The following KCNJ16 variants were observed in gnomAD, a reference collection of about 807,000 sequenced individuals.
The protein encoded by KCNJ16 is potassium inwardly rectifying channel subfamily J member 16.
In KCNJ16, 15 loss-of-function variants were observed where a neutral mutation model predicts 18.5. The ratio of observed to expected loss-of-function variants is 0.81; its 90% CI spans 0.54 to 1.25. KCNJ16 has a LOEUF of 1.25. Ranked by LOEUF, KCNJ16 falls within the 50% of genes most tolerant of loss-of-function variation. The pLI, the probability that KCNJ16 is intolerant of heterozygous loss-of-function variation, is 0.00. For synonymous variants in KCNJ16, 174 were observed against 186.5 expected (o/e 0.93, Z 0.55); for missense variants, 523 against 525.7 (o/e 0.99, Z 0.05).
chr17:70,120,957 C>T (rs770290015), intron 2 of KCNJ16, among the ~76,000 whole-genome samples: 2 of 152,114 alleles, frequency 1.3e-5, no homozygotes, highest in Non-Finnish European at 2.9e-5. Flanking sequence ...ATTACCCCCT[C>T]TTTATAAGGG....
At chr17:70,093,152 T>C (rs187614503) in intron 1 of KCNJ16, among the ~76,000 whole-genome samples, 253 of 152,326 alleles carry the variant, frequency 1.7e-3, no homozygotes, top group Non-Finnish European at 2.6e-3. Flanking sequence ...AAATAACCTT[T>C]TGGACGCAAG....
chr17:70,083,107 T>A (rs965768885), intron 1 of KCNJ16, among the ~76,000 whole-genome samples: 4 of 151,398 alleles, frequency 2.6e-5, no homozygotes, highest in African/African-American at 9.7e-5. Context: ...CAGGCTAGAG[T>A]GCAGTGGCAC....
rs2074116498 is a variant in KCNJ16, at chr17:70,133,001, T to C, written c.914T>C (p.Leu305Pro). ...SRSSYVPREILWGHRFNDVLE... is the reference protein window; with the variant it reads ...SRSSYVPREIPWGHRFNDVLE... ...AGCTCCTATGTTCCCCGAGAAATTC[T>C]CTGGGGCCATAGGTTTAATGATGTC... The change falls in exon 4 of 4, where the codon CTC becomes CCC. Residue 305 changes from leucine to proline, a missense_variant. Coordinates refer to ENST00000392671, the MANE Select transcript of KCNJ16 (RefSeq NM_170741.4). 1 of 1,614,058 alleles carries C rather than the reference T, an allele frequency of 6.2e-7. No individual in the cohort carries two copies. The highest frequency in any genetic ancestry group is 8.5e-7 in the Non-Finnish European group (1 of 1,180,030).
intron 2 of KCNJ16, among the ~76,000 whole-genome samples, chr17:70,113,005 A>T (rs192971623): frequency 6.6e-6 from 1 of 152,322 alleles, no homozygotes; most frequent in African/African-American, 2.4e-5. Context: ...ACAACCCAGA[A>T]TGTTTTCCTT....
intron 1 of KCNJ16, among the ~76,000 whole-genome samples, chr17:70,084,602 C>T (rs1010806435): frequency 6.6e-6 from 1 of 152,098 alleles, no homozygotes; most frequent in African/African-American, 2.4e-5. Flanking sequence ...GTAAGATTCC[C>T]TGGTCTTTGC....
At chr17:70,119,629 C>T (rs1051879258) in intron 2 of KCNJ16, among the ~76,000 whole-genome samples, 1 of 152,184 alleles carries the variant, frequency 6.6e-6, no homozygotes, top group South Asian at 2.1e-4. Flanking sequence ...GTGTCTGGGG[C>T]CCTTTGAGCT....
At chr17:70,120,222 G>C (rs1419388260) in intron 2 of KCNJ16, among the ~76,000 whole-genome samples, 1 of 152,152 alleles carries the variant, frequency 6.6e-6, no homozygotes, top group African/African-American at 2.4e-5. Flanking sequence ...GACCGTGTCA[G>C]CCTGGACTTC....
At chr17:70,129,346 T>C (rs2073977539) in intron 2 of KCNJ16, among the ~76,000 whole-genome samples, 1 of 152,212 alleles carries the variant, frequency 6.6e-6, no homozygotes, top group Admixed American at 6.5e-5. Context: ...GCCTCGATTA[T>C]TTAATGGTAA....
At chr17:70,113,048 C>T (rs1484183253) in intron 2 of KCNJ16, among the ~76,000 whole-genome samples, 1 of 152,026 alleles carries the variant, frequency 6.6e-6, no homozygotes, top group Non-Finnish European at 1.5e-5. Flanking sequence ...AGCTTGATTT[C>T]AAGGGAACAA....
chr17:70,114,269 G>A (rs2073311042), intron 2 of KCNJ16, among the ~76,000 whole-genome samples: 1 of 152,124 alleles, frequency 6.6e-6, no homozygotes, highest in Non-Finnish European at 1.5e-5. Context: ...TCACATCTGT[G>A]AGTTCAGTGA....
chr17:70,089,592 T>C (rs1381364299), intron 1 of KCNJ16, among the ~76,000 whole-genome samples: 1 of 152,166 alleles, frequency 6.6e-6, no homozygotes, highest in Non-Finnish European at 1.5e-5. Context: ...AGCATAAAAC[T>C]ACAGGGTTTC....
chr17:70,092,543 G>GACAT (rs2072152767), intron 1 of KCNJ16, among the ~76,000 whole-genome samples: 1 of 8,078 alleles, frequency 1.2e-4, no homozygotes, highest in Non-Finnish European at 3.0e-4. Flanking sequence ...GATAGATATA[G>GACAT]ATAGATATAG....
intron 2 of KCNJ16, among the ~76,000 whole-genome samples, chr17:70,105,978 T>A (rs2072904787): frequency 6.6e-6 from 1 of 152,214 alleles, no homozygotes; most frequent in Admixed American, 6.5e-5. Flanking sequence ...TTCCCATGAA[T>A]CTTGAAATAA....
chr17:70,104,438 C>A (rs1000504524), intron 2 of KCNJ16, among the ~76,000 whole-genome samples: 1 of 152,126 alleles, frequency 6.6e-6, no homozygotes, highest in Non-Finnish European at 1.5e-5. Flanking sequence ...TCCTTGAAAC[C>A]CAAATGAAAT....
intron 2 of KCNJ16, among the ~76,000 whole-genome samples, chr17:70,103,286 A>ATGTGTGATACGTGTG (rs367701950): frequency 9.6e-6 from 1 of 103,814 alleles, no homozygotes; most frequent in Non-Finnish European, 1.9e-5. Context: ...ATATGCATAT[A>ATGTGTGATACGTGTG]TGTGTGTGTG....
At chr17:70,130,393 C>A (rs183515934) in intron 2 of KCNJ16, among the ~76,000 whole-genome samples, 10 of 152,168 alleles carry the variant, frequency 6.6e-5, no homozygotes, top group African/African-American at 2.4e-4. Context: ...TGCTGACAAA[C>A]GAGAGGATGT....
At chr17:70,088,735 A>ATT (rs201280404) in intron 1 of KCNJ16, among the ~76,000 whole-genome samples, 1 of 148,746 alleles carries the variant, frequency 6.7e-6, no homozygotes, top group African/African-American at 2.5e-5. Context: ...AGGCCAAGTG[A>ATT]TTTTTTTTTT....
At chr17:70,112,387 C>G (rs531151377) in intron 2 of KCNJ16, among the ~76,000 whole-genome samples, 2 of 149,542 alleles carry the variant, frequency 1.3e-5, no homozygotes, top group East Asian at 3.9e-4. Context: ...ATGAGGGCAT[C>G]CAGTCTATGT....
chr17:70,122,147 C>A (rs2073664917), intron 2 of KCNJ16, among the ~76,000 whole-genome samples: 1 of 151,216 alleles, frequency 6.6e-6, no homozygotes, highest in African/African-American at 2.4e-5. Flanking sequence ...AAGGGAGAGT[C>A]ATGAGACCAT....
Sources: allele counts gnomAD v4.1 joint callset (sites outside exome capture counted in the v4.1 genomes callset), GRCh38; gene constraint gnomAD v4.1.1; transcripts MANE v1.5; gene names NCBI Gene and HGNC (gene_info 2026-07-23, HGNC 2026-07-21).